PRKCE: variants seen among roughly 807,000 people sequenced by gnomAD.
PRKCE encodes the protein protein kinase C epsilon.
Under a neutral mutation model 85.4 loss-of-function variants are expected in PRKCE, and 16 were observed. That is an observed-to-expected ratio of 0.19 (90% CI 0.13 to 0.28). The LOEUF (loss-of-function observed/expected upper bound fraction) is 0.28. PRKCE is among the 10% of genes least tolerant of loss of function. The probability of loss-of-function intolerance (pLI) is 1.00; values close to 1 mark genes in which losing one functional copy is unlikely to be tolerated. For missense variants in PRKCE, 573 were observed against 975.2 expected, an observed-to-expected ratio of 0.59 and a Z score of 5.49; for synonymous variants, 388 against 371.5, an observed-to-expected ratio of 1.04 and a Z score of -0.51.
At chr2:45,932,217 A>G (rs562481652) in intron 2 of PRKCE, among the ~76,000 whole-genome samples, 2 of 152,334 alleles carry the variant, frequency 1.3e-5, no homozygotes, top group East Asian at 1.9e-4. Context: ...TTCATTCAAC[A>G]TTAGGTTTCT....
intron 2 of PRKCE, among the ~76,000 whole-genome samples, chr2:45,936,250 A>G (rs1573941781): frequency 1.3e-5 from 2 of 152,192 alleles, no homozygotes; most frequent in South Asian, 2.1e-4. Flanking sequence ...CCTTCCTGGT[A>G]TCAGGTTAAG....
chr2:46,089,807 G>A (rs141746145), intron 11 of PRKCE, among the ~76,000 whole-genome samples: 3 of 152,308 alleles, frequency 2.0e-5, no homozygotes, highest in Non-Finnish European at 4.4e-5. Flanking sequence ...TGGCCATGAT[G>A]ACCTTTTGGC....
chr2:46,085,513 T>C (rs1428904883), intron 10 of PRKCE, among the ~76,000 whole-genome samples: 3 of 151,750 alleles, frequency 2.0e-5, no homozygotes, highest in Non-Finnish European at 4.4e-5. Context: ...GAGGTTCCGC[T>C]CCTTGCCTCT....
At chr2:45,945,570 A>G (rs1223395848) in intron 2 of PRKCE, among the ~76,000 whole-genome samples, 1 of 152,228 alleles carries the variant, frequency 6.6e-6, no homozygotes, top group Non-Finnish European at 1.5e-5. Flanking sequence ...TATATCAGCC[A>G]GGCTACACCA....
chr2:45,932,648 C>T (rs1699126841), intron 2 of PRKCE, among the ~76,000 whole-genome samples: 2 of 152,132 alleles, frequency 1.3e-5, no homozygotes. Flanking sequence ...ATATACAAAA[C>T]ATTAAATTTA....
intron 10 of PRKCE, among the ~76,000 whole-genome samples, chr2:46,045,811 AGTT>A (rs1351103912): frequency 1.3e-5 from 2 of 151,910 alleles, no homozygotes; most frequent in African/African-American, 2.4e-5. Context: ...CCTGGGAGGC[AGTT>A]GTTGTTGCAG....
chr2:45,854,437 C>T (rs1692519602), intron 2 of PRKCE, among the ~76,000 whole-genome samples: 1 of 152,156 alleles, frequency 6.6e-6, no homozygotes, highest in Non-Finnish European at 1.5e-5. Context: ...CACAAGACCC[C>T]CAACTGGCTA....
intron 1 of PRKCE, among the ~76,000 whole-genome samples, chr2:45,801,310 T>C (rs897378391): frequency 5.3e-5 from 8 of 151,842 alleles, no homozygotes; most frequent in African/African-American, 1.9e-4. Flanking sequence ...TTATTAGAGG[T>C]TGGATTTAAA....
intron 11 of PRKCE, among the ~76,000 whole-genome samples, chr2:46,109,594 G>GT (rs1672065776): frequency 6.6e-6 from 1 of 152,044 alleles, no homozygotes; most frequent in African/African-American, 2.4e-5. Context: ...AATTACAGGA[G>GT]TTTTTTGTCG....
intron 1 of PRKCE, among the ~76,000 whole-genome samples, chr2:45,675,157 A>G (rs1676369803): frequency 6.6e-6 from 1 of 152,156 alleles, no homozygotes. Context: ...AAAGAGAAAA[A>G]TCCCCTGTAA....
chr2:45,892,780 G>A (rs1371335645), intron 2 of PRKCE, among the ~76,000 whole-genome samples: 3 of 152,190 alleles, frequency 2.0e-5, no homozygotes, highest in Non-Finnish European at 2.9e-5. Context: ...GGATTTACCC[G>A]ACACACACTG....
chr2:45,782,859 C>T (rs1364462897), intron 1 of PRKCE, among the ~76,000 whole-genome samples: 2 of 152,112 alleles, frequency 1.3e-5, no homozygotes, highest in Non-Finnish European at 2.9e-5. Flanking sequence ...ATTTCTGGAA[C>T]TTTGTCAGCC....
rs776622854 is a variant in PRKCE at position 46,004,663 on chromosome 2, G to C, written c.1063+25G>C. The stretch of plus-strand genomic sequence containing the variant: ...GGTGAGACCCTCAGATTTGCTTCCT[G>C]ACCTCTGAGTTCTGCCATTGGATGG... On this transcript the variant is annotated intron_variant, in intron 8 of 14. Coordinates refer to ENST00000306156, the MANE Select transcript of PRKCE (RefSeq NM_005400.3). The surrounding 1 kb of genome is among the most constrained non-coding windows in gnomAD (Gnocchi z 4.1). 6.5e-7 allele frequency: 1 copy of C among 1,537,032 alleles called. No individual in the cohort carries two copies. Among genetic ancestry groups the C allele is most frequent in the South Asian group, 1.2e-5 (1 of 84,710 alleles).
At chr2:46,035,497 A>T (rs370548362) in intron 10 of PRKCE, among the ~76,000 whole-genome samples, 7 of 151,930 alleles carry the variant, frequency 4.6e-5, no homozygotes, top group African/African-American at 1.7e-4. Flanking sequence ...CCACCTCATA[A>T]CTCCCCTCTT....
At chr2:46,094,356 T>C (rs1255206744) in intron 11 of PRKCE, among the ~76,000 whole-genome samples, 3 of 152,178 alleles carry the variant, frequency 2.0e-5, no homozygotes, top group Admixed American at 6.5e-5. Flanking sequence ...AAGTGAAATA[T>C]TGAGACTTTC....
intron 2 of PRKCE, among the ~76,000 whole-genome samples, chr2:45,921,247 C>T (rs769427681): frequency 6.6e-6 from 1 of 152,176 alleles, no homozygotes; most frequent in Non-Finnish European, 1.5e-5. Flanking sequence ...GAAGAGGAGA[C>T]TTGTCCAGAG....
At chr2:45,702,681 C>G (rs1400608709) in intron 1 of PRKCE, among the ~76,000 whole-genome samples, 3 of 152,036 alleles carry the variant, frequency 2.0e-5, no homozygotes, top group Non-Finnish European at 4.4e-5. Context: ...ATAGTAGAAC[C>G]CTTCTTTTTT....
At chr2:45,807,498 C>G (rs1444174467) in intron 1 of PRKCE, among the ~76,000 whole-genome samples, 1 of 152,232 alleles carries the variant, frequency 6.6e-6, no homozygotes, top group Non-Finnish European at 1.5e-5. Context: ...TTACCCAAAA[C>G]TAGAAAACAG....
chr2:45,795,229 C>G (rs1023429785), intron 1 of PRKCE, among the ~76,000 whole-genome samples: 1 of 152,146 alleles, frequency 6.6e-6, no homozygotes, highest in Non-Finnish European at 1.5e-5. Flanking sequence ...GAGCTTTGAC[C>G]CTGCCCTCAA....
Sources: allele counts gnomAD v4.1 joint callset (sites outside exome capture counted in the v4.1 genomes callset), GRCh38; gene constraint gnomAD v4.1.1; non-coding constraint Gnocchi (gnomAD v3.1); transcripts MANE v1.5; gene names NCBI Gene and HGNC (gene_info 2026-07-23, HGNC 2026-07-21).